Variants in DCAF17 observed in about 807,000 individuals in gnomAD.
DCAF17 encodes DDB1- and CUL4-associated factor 17.
In DCAF17, 48 loss-of-function variants were observed where a neutral mutation model predicts 66.0. The observed-to-expected ratio is 0.73, with a 90% confidence interval of 0.58 to 0.92. The LOEUF is 0.92. Ranked by LOEUF, DCAF17 falls within the 40% of genes least tolerant of loss-of-function variation. DCAF17 has a pLI of 0.00. For synonymous variants in DCAF17, 206 were observed against 214.6 expected, an observed-to-expected ratio of 0.96 and a Z score of 0.35; for missense variants, 562 against 622.8, an observed-to-expected ratio of 0.90 and a Z score of 1.04.
chr2:171,461,536 T>C (rs1247982335), intron 8 of DCAF17, among the ~76,000 whole-genome samples: 1 of 152,198 alleles, frequency 6.6e-6, no homozygotes, highest in African/African-American at 2.4e-5. Flanking sequence ...GGGTTAACTG[T>C]TATCTCCTTG....
Position 171,473,573 on chromosome 2 carries a change from C to G in DCAF17, c.982-293C>G. Among the ~76,000 whole-genome samples, 2 of 151,868 alleles carry G rather than the reference C, an allele frequency of 1.3e-5. 1 individual carries two copies. On this transcript the variant is annotated intron_variant, in intron 9 of 13. Transcript: ENST00000375255. ...AACAGTGCCTATAAAGCATCAAACG[C>G]AGTTCCTGACACAAAGTAGATGCTT...
intron 8 of DCAF17, among the ~76,000 whole-genome samples, chr2:171,462,215 T>C (rs1185766651): frequency 6.6e-6 from 1 of 152,236 alleles, no homozygotes; most frequent in East Asian, 1.9e-4. Context: ...AAAGAAGAGA[T>C]TGATAAATTT....
intron 7 of DCAF17, 59 bp from the exon 8 acceptor site, chr2:171,458,313 C>G: frequency 7.1e-7 from 1 of 1,410,068 alleles, no homozygotes; most frequent in African/African-American, 1.4e-5. Flanking sequence ...TTTTTGTTCT[C>G]TCCAGATATC....
intron 2 of DCAF17, chr2:171,443,039 A>G (rs1387070598): frequency 1.3e-5 from 2 of 152,290 alleles, no homozygotes; most frequent in Non-Finnish European, 2.9e-5. Flanking sequence ...GGAGTAAAAA[A>G]AAAAACCATA....
chr2:171,480,561 C>T lies in DCAF17; in HGVS notation c.1422+368C>T, dbSNP rs547797988. ...ACCATATCTAAGCATGCGGGATTCCCAGGTACTCTTGTATACATTTGTCTG... is the reference window on the plus strand; with the variant it reads ...ACCATATCTAAGCATGCGGGATTCCTAGGTACTCTTGTATACATTTGTCTG... On this transcript the variant is annotated intron_variant, in intron 13 of 13. Transcript: ENST00000375255. Among the ~76,000 whole-genome samples, 7 of 152,242 alleles carry T rather than the reference C, an allele frequency of 4.6e-5. No homozygotes were observed. In the South Asian group the frequency reaches 1.5e-3, roughly 32 times the overall value.
At position 171,483,583 on chromosome 2, in the gene DCAF17, C is replaced by G. The variant is rs1302674781; in HGVS notation, c.*2469C>G. ...TGTGCTACCTAGTGAGGAGATACCG[C>G]TCTGTTTAGACAAATTAAGGCACTT... On this transcript the variant is annotated 3_prime_UTR_variant, in exon 14 of 14. Coordinates refer to ENST00000375255, the MANE Select transcript of DCAF17 (RefSeq NM_025000.4). 2.2e-6 allele frequency: 1 copy of G among 454,000 alleles called. No homozygotes were observed. The highest frequency in any genetic ancestry group is 4.4e-6 in the Non-Finnish European group (1 of 226,806). 28.1% of individuals were successfully genotyped at this position (454,000 alleles called of 1,614,324 possible).
At chr2:171,457,444 TAGAG>T (rs1421341272) in intron 6 of DCAF17, among the ~76,000 whole-genome samples, 1 of 152,160 alleles carries the variant, frequency 6.6e-6, no homozygotes, top group Non-Finnish European at 1.5e-5. Context: ...AATATGCAAT[TAGAG>T]AGATTTGGTT....
chr2:171,469,149 C>T (rs1245318904), intron 9 of DCAF17, 119 bp downstream of exon 9: 5 of 1,146,484 alleles, frequency 4.4e-6, no homozygotes, highest in Non-Finnish European at 5.1e-6. Context: ...TAACAATTTG[C>T]AAACAATTTA....
At chr2:171,439,511 C>CTTTTTTTTTTTTTTTTTTT (rs374646610) in intron 2 of DCAF17, among the ~76,000 whole-genome samples, 4 of 94,764 alleles carry the variant, frequency 4.2e-5, no homozygotes, top group Admixed American at 1.1e-4. Flanking sequence ...CTTTTTTTTC[C>CTTTTTTTTTTTTTTTTTTT]TTTTTTTTTT....
rs770323650 is a variant in DCAF17, at chr2:171,448,821, T to A, written c.458+4T>A. The A allele has an allele frequency of 3.1e-6, 5 of 1,609,750 alleles. No homozygotes were observed. The East Asian group carries it at 8.9e-5, about 29-fold the overall frequency. ...TTGCACCTTATTGCAAATTCAGGTA[T>A]TTACTGTGAATTTATTATTCAAGAT... On this transcript the variant is annotated splice_donor_region_variant and intron_variant, in intron 4 of 13. Transcript: ENST00000375255.
At chr2:171,465,071 A>G (rs910715408) in intron 8 of DCAF17, among the ~76,000 whole-genome samples, 17 of 151,952 alleles carry the variant, frequency 1.1e-4, no homozygotes, top group African/African-American at 4.1e-4. Flanking sequence ...GGTGGTGTGC[A>G]CTTGTAATCC....
At chr2:171,460,150 C>G (rs1695494010) in intron 8 of DCAF17, among the ~76,000 whole-genome samples, 1 of 151,814 alleles carries the variant, frequency 6.6e-6, no homozygotes, top group Admixed American at 6.6e-5. Context: ...TGGTGAAACC[C>G]CATCTCTACT....
rs62183504 is a variant in DCAF17 at position 171,468,630 on chromosome 2, A to G, written c.839-258A>G. On this transcript the variant is annotated intron_variant, in intron 8 of 13. Coordinates refer to ENST00000375255, the MANE Select transcript of DCAF17 (RefSeq NM_025000.4). ...CACCTTTAGCCCAGTTTCAATCTCT[A>G]CTCACCTGCGGGCCACATATACCTC... Among the ~76,000 whole-genome samples the G allele has an allele frequency of 0.33, 50,193 of 151,910 alleles. 8,433 individuals are homozygous for G. The highest frequency in any genetic ancestry group is 0.38 in the Admixed American group (5,728 of 15,260).
intron 6 of DCAF17, among the ~76,000 whole-genome samples, chr2:171,457,107 G>T (rs1208480513): frequency 1.3e-5 from 2 of 152,130 alleles, no homozygotes; most frequent in East Asian, 3.9e-4. Context: ...GGGAAACTAG[G>T]ATCAGTGAAT....
In DCAF17 at chr2:171,470,843, G is replaced by A. The variant is rs75244294; in HGVS notation, c.981+1813G>A. ...CAGATACAGCCGGCCTTCTATATCC[G>A]TGGGTTCCACATCTGTGGATTCAAC... On this transcript the variant is annotated intron_variant, in intron 9 of 13. Coordinates refer to ENST00000375255, the MANE Select transcript of DCAF17 (RefSeq NM_025000.4). Among the ~76,000 whole-genome samples the A allele has an allele frequency of 1.5e-3, 228 of 152,134 alleles. 4 individuals are homozygous for A. In the East Asian group the frequency reaches 0.016, roughly 11 times the overall value.
At chr2:171,468,133 A>G (rs936875195) in intron 8 of DCAF17, among the ~76,000 whole-genome samples, 4 of 152,116 alleles carry the variant, frequency 2.6e-5, no homozygotes, top group Non-Finnish European at 4.4e-5. Context: ...GAATAGATCT[A>G]TTATGCCCTA....
chr2:171,457,368 A>T (rs2105771426), intron 6 of DCAF17, among the ~76,000 whole-genome samples: 1 of 152,328 alleles, frequency 6.6e-6, no homozygotes, highest in South Asian at 2.1e-4. Context: ...GGACAAGGAC[A>T]TCTTCATTTA....
Position 171,481,536 on chromosome 2 carries a change from C to T in DCAF17, c.*422C>T, listed in dbSNP as rs1161960601. On this transcript the variant is annotated 3_prime_UTR_variant, in exon 14 of 14. Coordinates refer to ENST00000375255, the MANE Select transcript of DCAF17 (RefSeq NM_025000.4). ...CAAAAGTAAACATGCAGAAAGAAATCTTATATCCTCTATACCAAACTTTGC... is the reference window on the plus strand; with the variant it reads ...CAAAAGTAAACATGCAGAAAGAAATTTTATATCCTCTATACCAAACTTTGC... 6.6e-6 allele frequency: 3 copies of T among 454,364 alleles called. No homozygotes were observed. The highest frequency in any genetic ancestry group is 4.7e-5 in the Admixed American group (2 of 42,536). 28.1% of individuals were successfully genotyped at this position (454,364 alleles called of 1,614,324 possible). A position where few individuals can be genotyped will look rare whatever the true frequency, so the allele number is the denominator to read the frequency against.
At chr2:171,461,977 G>T (rs1433299190) in intron 8 of DCAF17, among the ~76,000 whole-genome samples, 3 of 152,010 alleles carry the variant, frequency 2.0e-5, no homozygotes, top group East Asian at 3.8e-4. Flanking sequence ...TCATGTTGTT[G>T]CATGTATCTA....
Sources: gnomAD v4.1 joint callset for allele counts (sites outside exome capture counted in the v4.1 genomes callset) on GRCh38, gnomAD v4.1.1 for gene constraint, MANE v1.5 for transcripts, NCBI Gene and HGNC (gene_info 2026-07-23, HGNC 2026-07-21) for gene names.